LANCL2: variants seen among roughly 807,000 people sequenced by gnomAD.
LANCL2 encodes the protein lanC-like protein 2.
Under a neutral mutation model 56.9 loss-of-function variants are expected in LANCL2, and 33 were observed. That is an observed-to-expected ratio of 0.58 (90% confidence interval 0.44 to 0.78). The LOEUF (loss-of-function observed/expected upper bound fraction) is 0.78. Ranked by LOEUF, LANCL2 falls within the 30% of genes least tolerant of loss-of-function variation. The pLI, the probability that LANCL2 is intolerant of heterozygous loss-of-function variation, is 0.00. For synonymous variants in LANCL2, 233 were observed against 228.2 expected (o/e 1.02, Z -0.19); for missense variants, 562 against 580.2 (o/e 0.97, Z 0.32).
rs754280954 is a variant in LANCL2 at position 55,411,921 on chromosome 7, G to A, written c.840G>A (p.Val280=). ...YYMLMQPAAK[V]DQETLTEMVK... ...TTTGTTTAAAGCCGGCAGCAAAAGT[G>A]GACCAAGAAACCTTGACAGAAATGG... Residue 280 remains valine (V), a synonymous_variant, in exon 6 of 9, where the codon GTG becomes GTA. Coordinates refer to ENST00000254770, the MANE Select transcript of LANCL2 (RefSeq NM_018697.4). The A allele has an allele frequency of 2.5e-6, 4 of 1,610,430 alleles. No individual in the cohort carries two copies. Among genetic ancestry groups the A allele is most frequent in the Non-Finnish European group, 3.4e-6 (4 of 1,177,768 alleles).
rs1258130294 is a variant in LANCL2, at chr7:55,400,038, G to A, written c.612G>A (p.Leu204=). Residue 204 remains leucine (L), a synonymous_variant, in exon 4 of 9, where the codon CTG becomes CTA. Coordinates refer to ENST00000254770, the MANE Select transcript of LANCL2 (RefSeq NM_018697.4). ...TGCTTTATGGACGGGCAGGTTATCTGTATGCCTTACTGTACCTGAACACAG... is the reference window on the plus strand; with the variant it reads ...TGCTTTATGGACGGGCAGGTTATCTATATGCCTTACTGTACCTGAACACAG... ...DELLYGRAGY[L]YALLYLNTEI... The A allele has an allele frequency of 1.9e-6, 3 of 1,613,682 alleles. No individual in the cohort carries two copies. Among genetic ancestry groups the A allele is most frequent in the East Asian group, 2.2e-5 (1 of 44,888 alleles).
rs2128993465 is a variant in LANCL2 at position 55,398,439 on chromosome 7, C to A, written c.339C>A (p.Tyr113Ter). ...YTGWTGIALL[Y>*]LQLYRVTCDQ... is the part of the protein sequence containing the mutation. ...TTATTCCAGGCATAGCCCTTTTGTACCTGCAGTTGTACCGGGTCACATGTG... is the reference window on the plus strand; with the variant it reads ...TTATTCCAGGCATAGCCCTTTTGTAACTGCAGTTGTACCGGGTCACATGTG... The change falls in exon 3 of 9, where the codon TAC (tyrosine) becomes TAA (stop). Residue 113 changes from tyrosine to a stop codon, truncating the protein, a stop_gained. Transcript: ENST00000254770. LOFTEE classifies it high-confidence loss of function. 4 of 1,613,852 alleles carry A rather than the reference C, an allele frequency of 2.5e-6. No individual in the cohort carries two copies. Among genetic ancestry groups the A allele is most frequent in the Non-Finnish European group, 3.4e-6 (4 of 1,179,750 alleles).
At chr7:55,381,525 A>G (rs779673547) in intron 1 of LANCL2, among the ~76,000 whole-genome samples, 11 of 152,216 alleles carry the variant, frequency 7.2e-5, no homozygotes, top group African/African-American at 2.7e-4. Flanking sequence ...AGAATTTGCA[A>G]TTCAATACAA....
chr7:55,400,787 A>G (rs1437366254), intron 4 of LANCL2, among the ~76,000 whole-genome samples: 3 of 152,222 alleles, frequency 2.0e-5, no homozygotes, highest in Admixed American at 1.3e-4. Context: ...CCTTTTATAA[A>G]TAAAGCCAGT....
At chr7:55,417,166 A>T (rs1014551713) in intron 6 of LANCL2, among the ~76,000 whole-genome samples, 2 of 151,786 alleles carry the variant, frequency 1.3e-5, no homozygotes, top group Non-Finnish European at 2.9e-5. Context: ...TTTTTAGTAG[A>T]GATGGGGTTT....
In LANCL2 at chr7:55,400,108, C is replaced by A. The variant is rs1186936484; in HGVS notation, c.678+4C>A. 1.3e-6 allele frequency: 2 copies of A among 1,591,442 alleles called. No homozygotes were observed. On this transcript the variant is annotated splice_donor_region_variant and intron_variant, in intron 4 of 8. Transcript: ENST00000254770. ...GTGTGAGTCAGCTATTAAAGAGGTA[C>A]TATGGGGTATGGGTAACTATGGGCG...
At chr7:55,408,585 C>T (rs1285826628) in intron 5 of LANCL2, among the ~76,000 whole-genome samples, 1 of 151,908 alleles carries the variant, frequency 6.6e-6, no homozygotes, top group Non-Finnish European at 1.5e-5. Flanking sequence ...AGGAGAATCG[C>T]TCGAACCCGG....
chr7:55,375,874 C>A (rs998284257), intron 1 of LANCL2, among the ~76,000 whole-genome samples: 2 of 152,206 alleles, frequency 1.3e-5, no homozygotes, highest in Non-Finnish European at 2.9e-5. Flanking sequence ...TCCTCAATGC[C>A]ACCTGAGCCC....
At chr7:55,427,620 A>G (rs1370673910) in intron 7 of LANCL2, among the ~76,000 whole-genome samples, 1 of 152,224 alleles carries the variant, frequency 6.6e-6, no homozygotes, top group Non-Finnish European at 1.5e-5. Flanking sequence ...AACTGGGTAG[A>G]TGGGCCATCA....
chr7:55,412,728 A>G (rs765601550), intron 6 of LANCL2, among the ~76,000 whole-genome samples: 1 of 152,214 alleles, frequency 6.6e-6, no homozygotes, highest in Non-Finnish European at 1.5e-5. Flanking sequence ...TTATAATTTT[A>G]TTTTGTATTT....
In LANCL2 at chr7:55,380,523, A is replaced by G. The variant is rs182781180; in HGVS notation, c.205-11270A>G. 5.6e-3 allele frequency among the ~76,000 whole-genome samples: 848 copies of G among 152,260 alleles called. 17 individuals carry two copies. The highest frequency in any genetic ancestry group is 0.02 in the African/African-American group (811 of 41,538). On this transcript the variant is annotated intron_variant, in intron 1 of 8. Transcript: ENST00000254770. ...TATAAAACAACTATAAAACTTGTAT[A>G]TAATATAAAAAGCAACTACTCAAAG...
chr7:55,398,585 A>G lies in LANCL2; in HGVS notation c.485A>G (p.Tyr162Cys). Residue 162 changes from tyrosine (Y) to cysteine (C), a missense_variant, in exon 3 of 9, where the codon TAT becomes TGT. Tyr to Cys is a radical substitution (Grantham distance 194). This residue lies in a region of LANCL2 where 378 missense variants were observed against 468.4 expected (regional missense o/e 0.81). Coordinates refer to ENST00000254770, the MANE Select transcript of LANCL2 (RefSeq NM_018697.4). ...AGPLAVGAVI[Y>C]HKLRSDCESQ... The stretch of plus-strand genomic sequence containing the variant: ...CCCCTGGCTGTTGGAGCTGTGATTT[A>G]TCACAAACTCAGAAGTGACTGTGAG... The G allele has an allele frequency of 1.9e-6, 3 of 1,614,132 alleles. No homozygotes were observed. The highest frequency in any genetic ancestry group is 2.5e-6 in the Non-Finnish European group (3 of 1,180,038).
At chr7:55,404,770 C>T (rs1447363857) in intron 5 of LANCL2, among the ~76,000 whole-genome samples, 2 of 152,122 alleles carry the variant, frequency 1.3e-5, no homozygotes, top group Non-Finnish European at 2.9e-5. Flanking sequence ...TGCACCGCCA[C>T]ACCTGGCTAA....
chr7:55,400,922 A>G (rs1220942768), intron 4 of LANCL2, among the ~76,000 whole-genome samples: 1 of 152,176 alleles, frequency 6.6e-6, no homozygotes, highest in Non-Finnish European at 1.5e-5. Context: ...TTGACTTTTT[A>G]TGCAAAGAAT....
intron 5 of LANCL2, 100 bp downstream of exon 5, chr7:55,401,420 T>A: frequency 1.1e-6 from 1 of 949,420 alleles, no homozygotes; most frequent in South Asian, 1.8e-5. Flanking sequence ...TGAAATACCC[T>A]ACTTTGAATC....
rs1790684322 is a variant in LANCL2, at chr7:55,428,040, A to G, written c.1186-335A>G. 3.0e-5 allele frequency: 9 copies of G among 302,706 alleles called. No homozygotes were observed. In the South Asian group the frequency reaches 5.3e-4, roughly 18 times the overall value. The allele number at this position is 302,706 out of a possible 1,614,324, so 18.8% of individuals were successfully genotyped here. On this transcript the variant is annotated intron_variant, in intron 7 of 8. Transcript: ENST00000254770. ...AGAGCCAGGGTTTTTTGTTCAGGAT[A>G]GAGCAGGCGTTTCGAGTTGCTTCTG...
intron 1 of LANCL2, among the ~76,000 whole-genome samples, chr7:55,386,318 A>T (rs1001858340): frequency 2.0e-5 from 3 of 152,262 alleles, no homozygotes; most frequent in Non-Finnish European, 4.4e-5. Context: ...AAAGACAGGC[A>T]TAAGAAATTA....
intron 1 of LANCL2, among the ~76,000 whole-genome samples, chr7:55,382,994 C>T (rs748662807): frequency 2.5e-4 from 38 of 152,330 alleles, no homozygotes; most frequent in Admixed American, 2.6e-4. Flanking sequence ...TGGTGGCTCA[C>T]GCCTGTAATC....
At position 55,366,039 on chromosome 7, in the gene LANCL2, T is replaced by C. The variant is rs140390443; in HGVS notation, c.14T>C (p.Met5Thr). The change falls in exon 1 of 9, where the codon ATG becomes ACG. Residue 5 changes from methionine (M) to threonine (T), a missense_variant. Physicochemically the swap from Met to Thr is moderately conservative, Grantham distance 81 (BLOSUM62 -1). Around this residue, in one of 2 missense-constraint regions of LANCL2, gnomAD observed 184 missense variants for 111.8 expected, o/e 1.65. Transcript: ENST00000254770. Reference protein sequence around the residue: MGETMSKRLKLHLGG... With the variant: MGETTSKRLKLHLGG... ...ACCGCGGCGGAGATGGGCGAGACCA[T>C]GTCAAAGAGGCTGAAGCTCCACCTG... 15 of 1,495,540 alleles carry C rather than the reference T, an allele frequency of 1.0e-5. No homozygotes were observed. Among genetic ancestry groups the C allele is most frequent in the African/African-American group, 2.9e-5 (2 of 69,020 alleles). The allele number at this position is 1,495,540 out of a possible 1,614,324, so 92.6% of individuals were successfully genotyped here.
Sources: allele counts gnomAD v4.1 joint callset (sites outside exome capture counted in the v4.1 genomes callset), GRCh38; gene constraint gnomAD v4.1.1; regional missense constraint gnomAD v4.1.1; transcripts MANE v1.5; gene names NCBI Gene and HGNC (gene_info 2026-07-23, HGNC 2026-07-21).